SLC39A8: variants seen among roughly 807,000 people sequenced by gnomAD.
SLC39A8 encodes metal cation symporter ZIP8.
In SLC39A8, 15 loss-of-function variants were observed where a neutral mutation model predicts 40.4. The ratio of observed to expected loss-of-function variants is 0.37; its 90% CI spans 0.25 to 0.57. The LOEUF is 0.57. Among genes scored for constraint, SLC39A8 ranks in the 20% least tolerant of loss-of-function variants. The pLI is 0.75. For synonymous variants in SLC39A8, 223 were observed against 221.6 expected (o/e 1.01, Z -0.06); for missense variants, 472 against 558.8 (o/e 0.84, Z 1.57).
chr4:102,300,292 G>A (rs554960524), intron 6 of SLC39A8, among the ~76,000 whole-genome samples: 1 of 152,052 alleles, frequency 6.6e-6, no homozygotes, highest in African/African-American at 2.4e-5. Flanking sequence ...ATTTCACTGT[G>A]ATAAATATGC....
intron 6 of SLC39A8, among the ~76,000 whole-genome samples, chr4:102,295,063 G>C (rs1733624670): frequency 6.7e-6 from 1 of 149,988 alleles, no homozygotes; most frequent in Non-Finnish European, 1.5e-5. Context: ...CATACTCCAT[G>C]ACCCATTTTT....
intron 2 of SLC39A8, among the ~76,000 whole-genome samples, chr4:102,329,882 A>G (rs1164617194): frequency 6.6e-6 from 1 of 152,192 alleles, no homozygotes; most frequent in East Asian, 1.9e-4. Flanking sequence ...ATACTCACTC[A>G]AAACCACACA....
At chr4:102,288,512 A>G (rs1026647985) in intron 6 of SLC39A8, among the ~76,000 whole-genome samples, 1 of 152,184 alleles carries the variant, frequency 6.6e-6, no homozygotes, top group Non-Finnish European at 1.5e-5. Context: ...ACTTAAAATC[A>G]AAAGATAGAA....
In SLC39A8 at chr4:102,345,354, CTGTT is replaced by C. The variant is rs1380668770; in HGVS notation, c.-267_-264del. 2 of 152,588 alleles carry C rather than the reference CTGTT, an allele frequency of 1.3e-5. No individual in the cohort carries two copies. Among genetic ancestry groups the C allele is most frequent in the Non-Finnish European group, 2.9e-5 (2 of 68,210 alleles). The allele number at this position is 152,588 out of a possible 1,614,324, so 9.5% of individuals were successfully genotyped here. ...CTCGCTGGCCTCTCACCTCTCCTAT[CTGTT>C]TGTTTGTCTGTCTCTGCGTCTTTCT... is the stretch of plus-strand genomic sequence containing the variant. On this transcript the variant is annotated 5_prime_UTR_variant, in exon 1 of 9. Coordinates refer to ENST00000356736, the MANE Select transcript of SLC39A8 (RefSeq NM_001135146.2).
At chr4:102,291,288 C>G (rs1419926734) in intron 6 of SLC39A8, among the ~76,000 whole-genome samples, 6 of 151,848 alleles carry the variant, frequency 4.0e-5, no homozygotes, top group Admixed American at 2.0e-4. Flanking sequence ...CATTCTTTGC[C>G]AAAGCCTTTT....
chr4:102,274,942 C>T (rs986770548), intron 6 of SLC39A8, among the ~76,000 whole-genome samples: 3 of 152,064 alleles, frequency 2.0e-5, no homozygotes, highest in Admixed American at 6.6e-5. Flanking sequence ...TACAAGAGCT[C>T]TGAAGGAAGC....
rs897427263 is a variant in SLC39A8 at position 102,262,145 on chromosome 4, A to G, written c.*899T>C. ...GCTGTTGTTTTGCATTTATTAAAAT[A>G]TTCTCTGCTAAATAGTTATGTTTGT... On this transcript the variant is annotated 3_prime_UTR_variant, in exon 9 of 9. Coordinates refer to ENST00000356736, the MANE Select transcript of SLC39A8 (RefSeq NM_001135146.2). 2.3e-5 allele frequency: 23 copies of G among 985,728 alleles called. No homozygotes were observed. In the African/African-American group the frequency reaches 3.8e-4, roughly 16 times the overall value. The allele number at this position is 985,728 out of a possible 1,614,324, so 61.1% of individuals were successfully genotyped here.
At chr4:102,260,025 A>T (rs1731804274), downstream of SLC39A8, among the ~76,000 whole-genome samples, 1 of 152,260 alleles carries the variant, frequency 6.6e-6, no homozygotes, top group Non-Finnish European at 1.5e-5. Flanking sequence ...AGGCTAAGGC[A>T]GAGAAACTAT....
Position 102,254,301 on chromosome 4 carries a change from T to C in SLC39A8, c.*299-871A>G, listed in dbSNP as rs137949811. On this transcript the variant is annotated intron_variant and NMD_transcript_variant, in intron 11 of 11. Coordinates refer to the SLC39A8 transcript ENST00000424970. ...TACCCTTGAGAGCAGAGATGAGCTC[T>C]GATCTATCTTTATATCTCCAGGCCT... Among the ~76,000 whole-genome samples the C allele has an allele frequency of 4.6e-3, 694 of 152,314 alleles. 30 individuals carry two copies. Among genetic ancestry groups the C allele is most frequent in the Admixed American group, 0.043 (665 of 15,306 alleles).
chr4:102,300,493 C>G (rs1014122671), intron 6 of SLC39A8, among the ~76,000 whole-genome samples: 90 of 152,098 alleles, frequency 5.9e-4, no homozygotes, highest in African/African-American at 2.0e-3. Context: ...TATAACATGT[C>G]TTTGTTCTTT....
At chr4:102,253,617 C>A (rs1168372566) in intron 11 of SLC39A8, among the ~76,000 whole-genome samples, 1 of 151,714 alleles carries the variant, frequency 6.6e-6, no homozygotes, top group Admixed American at 6.6e-5. Context: ...TTGAATAATT[C>A]AAAAATCCCA....
At chr4:102,318,317 G>T (rs910772668) in intron 2 of SLC39A8, among the ~76,000 whole-genome samples, 2 of 152,242 alleles carry the variant, frequency 1.3e-5, no homozygotes, top group African/African-American at 2.4e-5. Flanking sequence ...CAATCACCAC[G>T]AAGAACACAG....
rs754888330 is a variant in SLC39A8, at chr4:102,267,472, A to T, written c.1233+18T>A. ...CAAATTTTAAATTAAAAGAAAATAC[A>T]AATTTTAAGCTTCTTACCATATCTG... is the stretch of plus-strand genomic sequence containing the variant. On this transcript the variant is annotated intron_variant, in intron 8 of 8. Transcript: ENST00000356736. 7.7e-6 allele frequency: 12 copies of T among 1,566,028 alleles called. No homozygotes were observed. Among genetic ancestry groups the T allele is most frequent in the Non-Finnish European group, 1.0e-5 (12 of 1,160,906 alleles).
chr4:102,261,187 T>C (rs767476803), downstream of SLC39A8, among the ~76,000 whole-genome samples: 8 of 152,196 alleles, frequency 5.3e-5, no homozygotes, highest in Admixed American at 1.3e-4. Context: ...GGACCTTAAA[T>C]GAGCACAGAA....
In SLC39A8 at chr4:102,344,857, G is replaced by A. The variant is rs1266414356; in HGVS notation, c.-195C>T. The A allele has an allele frequency of 2.3e-6, 3 of 1,313,478 alleles. No individual in the cohort carries two copies. The East Asian group carries it at 9.5e-5, about 42-fold the overall frequency. The allele number at this position is 1,313,478 out of a possible 1,614,324, so 81.4% of individuals were successfully genotyped here. On this transcript the variant is annotated 5_prime_UTR_variant, in exon 2 of 9. Coordinates refer to ENST00000356736, the MANE Select transcript of SLC39A8 (RefSeq NM_001135146.2). ...AGCTCGCGACCTGCGGGGCATTGAA[G>A]TGGCAGCGTAGCCGAGGGGAGCGAT...
chr4:102,304,230 C>A, intron 6 of SLC39A8, 87 bp downstream of exon 6: 1 of 1,033,956 alleles, frequency 9.7e-7, no homozygotes, highest in South Asian at 1.8e-5. Context: ...CATAAATGTA[C>A]AAAAACTGAC....
chr4:102,298,545 T>G (rs1190197206), intron 6 of SLC39A8, among the ~76,000 whole-genome samples: 2 of 152,110 alleles, frequency 1.3e-5, no homozygotes, highest in African/African-American at 4.8e-5. Flanking sequence ...CTAATTTCTG[T>G]TTTTAAATCT....
intron 2 of SLC39A8, among the ~76,000 whole-genome samples, chr4:102,328,240 G>A (rs1409461351): frequency 2.6e-5 from 4 of 151,854 alleles, no homozygotes; most frequent in South Asian, 2.1e-4. Flanking sequence ...TTGTGGTCTG[G>A]CTTCTATTCC....
At chr4:102,338,194 T>C (rs1735761521) in intron 2 of SLC39A8, among the ~76,000 whole-genome samples, 1 of 151,488 alleles carries the variant, frequency 6.6e-6, no homozygotes, top group South Asian at 2.1e-4. Flanking sequence ...TTCTTTTTTT[T>C]TTTTTTTTTC....
Sources: gnomAD v4.1 joint callset for allele counts (sites outside exome capture counted in the v4.1 genomes callset) on GRCh38, gnomAD v4.1.1 for gene constraint, MANE v1.5 for transcripts, NCBI Gene and HGNC (gene_info 2026-07-23, HGNC 2026-07-21) for gene names.